Variants in ZNF786 observed in about 807,000 individuals in gnomAD.
The protein encoded by ZNF786 is zinc finger protein 786.
In ZNF786, 56 loss-of-function variants were observed where a neutral mutation model predicts 63.1. The ratio of observed to expected loss-of-function variants is 0.89; its 90% CI spans 0.72 to 1.11. The LOEUF is 1.11. Ranked by LOEUF, ZNF786 falls within the 50% of genes least tolerant of loss-of-function variation. The pLI is 0.00. For synonymous variants in ZNF786, 485 were observed against 406.9 expected (o/e 1.19, Z -2.31); for missense variants, 1,213 against 1,041.8 (o/e 1.16, Z -2.26).
intron 2 of ZNF786, among the ~76,000 whole-genome samples, chr7:149,080,219 C>A (rs1825627077): frequency 6.6e-6 from 1 of 152,002 alleles, no homozygotes; most frequent in African/African-American, 2.4e-5. Flanking sequence ...TATTTAGACC[C>A]CACTGTAAAA....
Position 149,071,967 on chromosome 7 carries a change from G to T in ZNF786, c.805C>A (p.Arg269=). The change falls in exon 4 of 4, where the codon CGG becomes AGG. Residue 269 remains arginine, a synonymous_variant. Transcript: ENST00000491431. ...LAAHTGRGPF[R]NADGEMCFRH... The stretch of plus-strand genomic sequence containing the variant: ...AAGCACATTTCACCGTCAGCGTTCC[G>T]GAAGGGGCCCCTCCCCGTGTGGGCC... The T allele has an allele frequency of 6.2e-7, 1 of 1,612,316 alleles. No homozygotes were observed. Among genetic ancestry groups the T allele is most frequent in the Non-Finnish European group, 8.5e-7 (1 of 1,179,830 alleles).
rs1426541236 is a variant in ZNF786 at position 149,080,261 on chromosome 7, T to TA, written c.145+329dup. On this transcript the variant is annotated intron_variant, in intron 2 of 3. Coordinates refer to ENST00000491431, the MANE Select transcript of ZNF786 (RefSeq NM_152411.4). The stretch of plus-strand genomic sequence containing the variant: ...AGGTGGGGACATCCTAGGTTAAAGA[T>TA]ATACAGAGCACTTCATGAATGTGCG... 9.2e-5 allele frequency among the ~76,000 whole-genome samples: 14 copies of TA among 152,072 alleles called. No individual in the cohort carries two copies. In the East Asian group the frequency reaches 2.7e-3, roughly 29 times the overall value.
Position 149,072,371 on chromosome 7 carries a change from T to C in ZNF786, c.401A>G (p.Gln134Arg). 1 of 1,613,462 alleles carries C rather than the reference T, an allele frequency of 6.2e-7. No individual in the cohort carries two copies. Among genetic ancestry groups the C allele is most frequent in the South Asian group, 1.1e-5 (1 of 90,956 alleles). The change falls in exon 4 of 4, where the codon CAA (glutamine) becomes CGA (arginine). Residue 134 changes from glutamine to arginine, a missense_variant. Coordinates refer to ENST00000491431, the MANE Select transcript of ZNF786 (RefSeq NM_152411.4). ...CTGTGGGCTCCCGAGGGTGATGCCT[T>C]GGTCAGGCCTGAAGGAAACAAAGGA... is the stretch of plus-strand genomic sequence containing the variant. Reference protein sequence around the residue: ...FGSFVSFRPDQGITLGSPQRH... With the variant: ...FGSFVSFRPDRGITLGSPQRH...
chr7:149,072,361 G>A lies in ZNF786; in HGVS notation c.411C>T (p.Thr137=), dbSNP rs746214338. The A allele has an allele frequency of 3.1e-6, 5 of 1,613,620 alleles. No homozygotes were observed. The East Asian group carries it at 6.7e-5, about 22-fold the overall frequency. ...CGTCGTGTCTCTGTGGGCTCCCGAG[G>A]GTGATGCCTTGGTCAGGCCTGAAGG... ...FVSFRPDQGI[T]LGSPQRHDAR... The change falls in exon 4 of 4, where the codon ACC becomes ACT. Residue 137 remains threonine (T), a synonymous_variant. Transcript: ENST00000491431.
At chr7:149,090,174 A>G (rs1410092531) in intron 1 of ZNF786, among the ~76,000 whole-genome samples, 1 of 152,222 alleles carries the variant, frequency 6.6e-6, no homozygotes, top group African/African-American at 2.4e-5. Context: ...CACGCTAGAC[A>G]ATAAATTCTG....
intron 3 of ZNF786, 47 bp downstream of exon 3, chr7:149,074,339 C>G: frequency 6.2e-7 from 1 of 1,600,502 alleles, no homozygotes; most frequent in Non-Finnish European, 8.5e-7. Flanking sequence ...AGAAACAAAT[C>G]TGAACATGAT....
At chr7:149,075,819 T>TG (rs1825538262) in intron 2 of ZNF786, among the ~76,000 whole-genome samples, 1 of 151,814 alleles carries the variant, frequency 6.6e-6, no homozygotes, top group African/African-American at 2.4e-5. Context: ...GGAGCCACCA[T>TG]GCTCAGCTAA....
chr7:149,078,016 C>T (rs911032773), intron 2 of ZNF786, among the ~76,000 whole-genome samples: 1 of 151,748 alleles, frequency 6.6e-6, no homozygotes, highest in East Asian at 2.0e-4. Context: ...GCATGCACAA[C>T]CACACCCAGC....
At chr7:149,075,038 A>G (rs1399782314) in intron 2 of ZNF786, among the ~76,000 whole-genome samples, 4 of 152,120 alleles carry the variant, frequency 2.6e-5, no homozygotes, top group East Asian at 1.9e-4. Context: ...CGTGTTGCCC[A>G]GGCTGGTTTC....
At chr7:149,077,819 C>G (rs1383779486) in intron 2 of ZNF786, among the ~76,000 whole-genome samples, 2 of 151,312 alleles carry the variant, frequency 1.3e-5, no homozygotes, top group Non-Finnish European at 2.9e-5. Context: ...GCATGAGAAA[C>G]AGTTGTGGCC....
intron 1 of ZNF786, among the ~76,000 whole-genome samples, chr7:149,089,155 T>C (rs1825789225): frequency 6.6e-6 from 1 of 152,040 alleles, no homozygotes; most frequent in African/African-American, 2.4e-5. Context: ...GGTTTCACCG[T>C]GTTAGCTAGG....
Position 149,076,177 on chromosome 7 carries a change from C to T in ZNF786, c.146-1639G>A, listed in dbSNP as rs868102025. Reference sequence around the variant, plus strand: ...TTGCCCAGGCTGGAGTACAATGGCGCGATCTCAGCTCACCGCAGCCTCCGC... The same window carrying T: ...TTGCCCAGGCTGGAGTACAATGGCGTGATCTCAGCTCACCGCAGCCTCCGC... On this transcript the variant is annotated intron_variant, in intron 2 of 3. Coordinates refer to ENST00000491431, the MANE Select transcript of ZNF786 (RefSeq NM_152411.4). 2.1e-4 allele frequency among the ~76,000 whole-genome samples: 32 copies of T among 151,874 alleles called. No homozygotes were observed. The Middle Eastern group carries it at 0.01, about 48-fold the overall frequency.
intron 2 of ZNF786, 83 bp from the exon 3 acceptor site, chr7:149,074,621 T>C (rs1256839930): frequency 1.7e-5 from 24 of 1,415,914 alleles, no homozygotes; most frequent in Non-Finnish European, 2.3e-5. Context: ...CATTCACTCC[T>C]GGGACAAAGT....
rs1464193795 is a variant in ZNF786 at position 149,071,474 on chromosome 7, C to G, written c.1298G>C (p.Gly433Ala). 6.2e-7 allele frequency: 1 copy of G among 1,613,228 alleles called. No homozygotes were observed. The highest frequency in any genetic ancestry group is 8.5e-7 in the Non-Finnish European group (1 of 1,179,858). The stretch of plus-strand genomic sequence containing the variant: ...CGTGAGTTTACACTGCTTGGCGAAG[C>G]CCTTGCCACACTTCCTGCAGGAGAA... ...RPFSCRKCGK[G>A]FAKQCKLTEH... Residue 433 changes from glycine to alanine, a missense_variant, in exon 4 of 4, where the codon GGC becomes GCC. Physicochemically the swap from Gly to Ala is moderately conservative, Grantham distance 60. Transcript: ENST00000491431.
In ZNF786 at chr7:149,071,602, C is replaced by G. The variant is rs558968901; in HGVS notation, c.1170G>C (p.Ala390=). 6.2e-7 allele frequency: 1 copy of G among 1,601,396 alleles called. No homozygotes were observed. The highest frequency in any genetic ancestry group is 1.1e-5 in the South Asian group (1 of 89,790). The change falls in exon 4 of 4, where the codon GCG becomes GCC. Residue 390 remains alanine (A), a synonymous_variant. Coordinates refer to ENST00000491431, the MANE Select transcript of ZNF786 (RefSeq NM_152411.4). The part of the protein sequence containing the change: ...MSARLASPCR[A]HTGEKPFQCA... ...ACTGGAAGGGCTTTTCTCCAGTATGCGCCCTGCAGGGGCTGGCGAGCCTGG... is the reference window on the plus strand; with the variant it reads ...ACTGGAAGGGCTTTTCTCCAGTATGGGCCCTGCAGGGGCTGGCGAGCCTGG...
intron 2 of ZNF786, among the ~76,000 whole-genome samples, chr7:149,079,900 C>A (rs757904574): frequency 2.0e-5 from 3 of 149,600 alleles, no homozygotes; most frequent in Non-Finnish European, 4.5e-5. Context: ...TCAGGCCAGG[C>A]GTAGTGGCTC....
Position 149,074,385 on chromosome 7 carries a change from C to T in ZNF786, c.298+1G>A. On this transcript the variant is annotated splice_donor_variant, in intron 3 of 3. Transcript: ENST00000491431. LOFTEE classifies it high-confidence loss of function. ...CGGGGCCCTGATTTCTTAATACTCA[C>T]CCCAAAACAGCTGTTCCTCAAAACC... 6.2e-7 allele frequency: 1 copy of T among 1,613,586 alleles called. No individual in the cohort carries two copies. The highest frequency in any genetic ancestry group is 8.5e-7 in the Non-Finnish European group (1 of 1,179,684).
rs772251125 is a variant in ZNF786, at chr7:149,071,639, G to A, written c.1133C>T (p.Ser378Phe). ...GCTGGCGAGCCTGGCGCTCATAGGG[G>A]AGCGCTCGCCACACTCCGAGCAGGA... ...PCSCSECGER[S>F]PMSARLASPC... is the part of the protein sequence containing the mutation. The change falls in exon 4 of 4, where the codon TCC (serine) becomes TTC (phenylalanine). Residue 378 changes from serine to phenylalanine, a missense_variant. By Grantham distance (155) the Ser-to-Phe change is radical. Coordinates refer to ENST00000491431, the MANE Select transcript of ZNF786 (RefSeq NM_152411.4). 1.9e-6 allele frequency: 3 copies of A among 1,578,142 alleles called. No homozygotes were observed. The highest frequency in any genetic ancestry group is 2.6e-6 in the Non-Finnish European group (3 of 1,166,232).
chr7:149,089,062 C>G (rs950562815), intron 1 of ZNF786, among the ~76,000 whole-genome samples: 5 of 148,870 alleles, frequency 3.4e-5, no homozygotes, highest in South Asian at 2.2e-4. Context: ...GTTCTCCCGC[C>G]TCAGCCTCCC....
Sources: gnomAD v4.1 joint callset for allele counts (sites outside exome capture counted in the v4.1 genomes callset) on GRCh38, gnomAD v4.1.1 for gene constraint, MANE v1.5 for transcripts, NCBI Gene and HGNC (gene_info 2026-07-23, HGNC 2026-07-21) for gene names.